KIRREL3: variants seen among roughly 807,000 people sequenced by gnomAD.
KIRREL3 encodes the protein kin of IRRE-like protein 3.
In KIRREL3, 36 loss-of-function variants were observed where a neutral mutation model predicts 89.7. The ratio of observed to expected loss-of-function variants is 0.40; its 90% CI spans 0.31 to 0.53. The LOEUF (loss-of-function observed/expected upper bound fraction) is 0.53. KIRREL3 is among the 20% of genes least tolerant of loss of function. The probability of loss-of-function intolerance (pLI) is 0.49; values close to 1 mark genes in which losing one functional copy is unlikely to be tolerated. For synonymous variants in KIRREL3, 445 were observed against 441.4 expected (o/e 1.01, Z -0.10); for missense variants, 864 against 1,056.6 (o/e 0.82, Z 2.53).
Position 126,559,816 on chromosome 11 carries a change from C to T in KIRREL3, c.133+3019G>A, listed in dbSNP as rs369195407. On this transcript the variant is annotated intron_variant, in intron 2 of 16. Coordinates refer to ENST00000525144, the MANE Select transcript of KIRREL3 (RefSeq NM_032531.4). ...TCCTGAGTAGCTGGGGCTACAGGTG[C>T]GCACCACCAACCCTGGCTGATTATT... is the stretch of plus-strand genomic sequence containing the variant. Among the ~76,000 whole-genome samples, 9 of 152,022 alleles carry T rather than the reference C, an allele frequency of 5.9e-5. No homozygotes were observed. In the East Asian group the frequency reaches 7.7e-4, roughly 13 times the overall value.
At chr11:126,758,124 G>C (rs192229990) in intron 1 of KIRREL3, among the ~76,000 whole-genome samples, 17 of 152,222 alleles carry the variant, frequency 1.1e-4, no homozygotes, top group African/African-American at 4.1e-4. Flanking sequence ...TGAGCTCTCC[G>C]ATTTGGCTAT....
Position 126,819,573 on chromosome 11 carries a change from G to A in KIRREL3, c.55+180882C>T, listed in dbSNP as rs1238270550. 2.6e-5 allele frequency among the ~76,000 whole-genome samples: 4 copies of A among 152,224 alleles called. No homozygotes were observed. The South Asian group carries it at 8.3e-4, about 32-fold the overall frequency. On this transcript the variant is annotated intron_variant, in intron 1 of 16. Transcript: ENST00000525144. ...AGCCACCCCAATTAAGAGCACGTTG[G>A]CCATCTGCTTCGCAGGTACGATGGC...
intron 1 of KIRREL3, among the ~76,000 whole-genome samples, chr11:126,951,113 G>A (rs572321875): frequency 2.6e-5 from 4 of 152,352 alleles, no homozygotes; most frequent in Admixed American, 2.6e-4. Flanking sequence ...TGGAGGTTAG[G>A]ATGTGGATAT....
In KIRREL3 at chr11:126,648,563, C is replaced by T. The variant is rs189966346; in HGVS notation, c.56-85651G>A. On this transcript the variant is annotated intron_variant, in intron 1 of 16. Transcript: ENST00000525144. ...GTGCCTATCTCCATCTGACATGATT[C>T]ATCTTTATTTGTTCATTTCATGTCT... Among the ~76,000 whole-genome samples, 4 of 152,324 alleles carry T rather than the reference C, an allele frequency of 2.6e-5. No individual in the cohort carries two copies. The East Asian group carries it at 5.8e-4, about 22-fold the overall frequency.
At chr11:126,839,789 C>T (rs892487259) in intron 1 of KIRREL3, among the ~76,000 whole-genome samples, 4 of 152,114 alleles carry the variant, frequency 2.6e-5, no homozygotes, top group East Asian at 3.8e-4. Context: ...GCTACTTATA[C>T]GCTAAAATGT....
At chr11:126,927,107 C>T (rs535145022) in intron 1 of KIRREL3, among the ~76,000 whole-genome samples, 4 of 152,314 alleles carry the variant, frequency 2.6e-5, no homozygotes, top group East Asian at 1.9e-4. Flanking sequence ...GCCAAATTAG[C>T]CTCTGGAATC....
In KIRREL3 at chr11:126,896,123, G is replaced by A. The variant is rs1204443436; in HGVS notation, c.55+104332C>T. ...TTTTCTATTCTTGTTTATCCCTGAA[G>A]AGCACATGTATAGCTTATAGCAAAT... On this transcript the variant is annotated intron_variant, in intron 1 of 16. Coordinates refer to ENST00000525144, the MANE Select transcript of KIRREL3 (RefSeq NM_032531.4). The surrounding 1 kb of genome is among the most constrained non-coding windows in gnomAD (Gnocchi z 4.1). Among the ~76,000 whole-genome samples, 1 of 152,184 alleles carries A rather than the reference G, an allele frequency of 6.6e-6. No homozygotes were observed. Among genetic ancestry groups the A allele is most frequent in the Non-Finnish European group, 1.5e-5 (1 of 68,038 alleles).
At chr11:126,448,382 G>T (rs780241076) in intron 8 of KIRREL3, among the ~76,000 whole-genome samples, 1 of 152,108 alleles carries the variant, frequency 6.6e-6, no homozygotes, top group Non-Finnish European at 1.5e-5. Context: ...AATGGATTTG[G>T]TCATTGCCTG....
intron 1 of KIRREL3, among the ~76,000 whole-genome samples, chr11:126,927,961 A>G (rs933125273): frequency 6.6e-6 from 1 of 152,198 alleles, no homozygotes; most frequent in Non-Finnish European, 1.5e-5. Context: ...TTTTTCATTT[A>G]TAAGTGGAGA....
At position 126,566,926 on chromosome 11, in the gene KIRREL3, A is replaced by T. The variant is rs868788792; in HGVS notation, c.56-4014T>A. On this transcript the variant is annotated intron_variant, in intron 1 of 16. Transcript: ENST00000525144. The surrounding 1 kb of genome is among the most constrained non-coding windows in gnomAD (Gnocchi z 4.9). ...ACTGAGGCTCAGAAGTAAAGTGACA[A>T]TTTAAGGCCAACACACTAGCTGGTG... Among the ~76,000 whole-genome samples, 1 of 152,214 alleles carries T rather than the reference A, an allele frequency of 6.6e-6. No homozygotes were observed. The highest frequency in any genetic ancestry group is 1.5e-5 in the Non-Finnish European group (1 of 68,038).
Position 126,527,872 on chromosome 11 carries a change from G to A in KIRREL3, c.134-1185C>T, listed in dbSNP as rs1156711179. On this transcript the variant is annotated intron_variant, in intron 2 of 16. Coordinates refer to ENST00000525144, the MANE Select transcript of KIRREL3 (RefSeq NM_032531.4). This position sits in a 1 kb window ranked among gnomAD's most constrained non-coding sequence, Gnocchi z 4.2. The stretch of plus-strand genomic sequence containing the variant: ...GGCCTTGGAGGGAGTTGCTGATGAA[G>A]AGGTGTGATGTGATCTGTGTCTCCT... Among the ~76,000 whole-genome samples, 1 of 152,200 alleles carries A rather than the reference G, an allele frequency of 6.6e-6. No homozygotes were observed. Among genetic ancestry groups the A allele is most frequent in the Non-Finnish European group, 1.5e-5 (1 of 68,038 alleles).
Position 126,614,570 on chromosome 11 carries a change from A to G in KIRREL3, c.56-51658T>C, listed in dbSNP as rs1292449134. 6.6e-6 allele frequency among the ~76,000 whole-genome samples: 1 copy of G among 152,210 alleles called. No individual in the cohort carries two copies. Among genetic ancestry groups the G allele is most frequent in the Non-Finnish European group, 1.5e-5 (1 of 68,024 alleles). ...TTGGTGTCTCTACTAAACACTGCCC[A>G]GGTGGTTCTATCATCAAGCCAGAGA... is the stretch of plus-strand genomic sequence containing the variant. On this transcript the variant is annotated intron_variant, in intron 1 of 16. Transcript: ENST00000525144. This position sits in a 1 kb window ranked among gnomAD's most constrained non-coding sequence, Gnocchi z 4.6.
rs1949720647 is a variant in KIRREL3 at position 126,763,319 on chromosome 11, C to T, written c.56-200407G>A. ...CATGGCTGAGGTGCCACTTTCGATA[C>T]ATAAAACAAGAGTCCACATCTGTGC... On this transcript the variant is annotated intron_variant, in intron 1 of 16. Transcript: ENST00000525144. This position sits in a 1 kb window ranked among gnomAD's most constrained non-coding sequence, Gnocchi z 4.7. Among the ~76,000 whole-genome samples, 1 of 152,306 alleles carries T rather than the reference C, an allele frequency of 6.6e-6. No individual in the cohort carries two copies. Among genetic ancestry groups the T allele is most frequent in the South Asian group, 2.1e-4 (1 of 4,812 alleles).
chr11:126,891,700 C>T lies in KIRREL3; in HGVS notation c.55+108755G>A, dbSNP rs1212074669. On this transcript the variant is annotated intron_variant, in intron 1 of 16. Transcript: ENST00000525144. The surrounding 1 kb of genome is among the most constrained non-coding windows in gnomAD (Gnocchi z 5.1). ...AAGCAGCTTGGCTTCTAAGATGCAG[C>T]CCTGACCGGCTGACTCAAAGGAAGT... 1.3e-5 allele frequency among the ~76,000 whole-genome samples: 2 copies of T among 152,190 alleles called. No homozygotes were observed. Among genetic ancestry groups the T allele is most frequent in the South Asian group, 2.1e-4 (1 of 4,834 alleles).
chr11:126,913,827 GGA>G (rs1383321239), intron 1 of KIRREL3, among the ~76,000 whole-genome samples: 1 of 152,164 alleles, frequency 6.6e-6, no homozygotes, highest in Non-Finnish European at 1.5e-5. Context: ...GAGTGCAGGT[GGA>G]GTCTGGGGAC....
chr11:126,433,507 T>G (rs754426089), intron 13 of KIRREL3, among the ~76,000 whole-genome samples: 2 of 152,124 alleles, frequency 1.3e-5, no homozygotes, highest in African/African-American at 4.8e-5. Flanking sequence ...ACGAAGCCAT[T>G]GGTTACCTAC....
chr11:126,509,538 C>A (rs1958132113), intron 4 of KIRREL3, among the ~76,000 whole-genome samples: 1 of 152,210 alleles, frequency 6.6e-6, no homozygotes, highest in Admixed American at 6.5e-5. Context: ...TTTTCCCCAG[C>A]CATTCTGTGT....
rs1467068617 is a variant in KIRREL3, at chr11:126,535,509, C to T, written c.134-8822G>A. On this transcript the variant is annotated intron_variant, in intron 2 of 16. Coordinates refer to ENST00000525144, the MANE Select transcript of KIRREL3 (RefSeq NM_032531.4). This position sits in a 1 kb window ranked among gnomAD's most constrained non-coding sequence, Gnocchi z 4.5. ...AAGAGTCATTTTGCCATGGAAGGCG[C>T]AGATTACAAGGGCCACGTCACTCGG... Among the ~76,000 whole-genome samples, 1 of 152,156 alleles carries T rather than the reference C, an allele frequency of 6.6e-6. No homozygotes were observed. Among genetic ancestry groups the T allele is most frequent in the African/African-American group, 2.4e-5 (1 of 41,430 alleles).
chr11:126,668,182 C>T lies in KIRREL3; in HGVS notation c.56-105270G>A, dbSNP rs973007282. The stretch of plus-strand genomic sequence containing the variant: ...TGAAAGATCAAGATCAAGGTGATGG[C>T]AGATTTGGTGACTGGTGAGGGCTGG... On this transcript the variant is annotated intron_variant, in intron 1 of 16. Transcript: ENST00000525144. The surrounding 1 kb of genome is among the most constrained non-coding windows in gnomAD (Gnocchi z 4.4). Among the ~76,000 whole-genome samples, 2 of 152,162 alleles carry T rather than the reference C, an allele frequency of 1.3e-5. No individual in the cohort carries two copies. Among genetic ancestry groups the T allele is most frequent in the South Asian group, 2.1e-4 (1 of 4,824 alleles).
Sources: allele counts gnomAD v4.1 joint callset (sites outside exome capture counted in the v4.1 genomes callset), GRCh38; gene constraint gnomAD v4.1.1; non-coding constraint Gnocchi (gnomAD v3.1); transcripts MANE v1.5; gene names NCBI Gene and HGNC (gene_info 2026-07-23, HGNC 2026-07-21).